The following SKIC3 variants were observed in gnomAD, a reference collection of about 807,000 sequenced individuals.
SKIC3 encodes SKI3 subunit of superkiller complex, also known as superkiller complex protein 3.
chr5:95,520,193 T>A, the SKIC3 span, among the ~76,000 whole-genome samples: 1 of 151,900 alleles, frequency 6.6e-6, no homozygotes, highest in African/African-American at 2.4e-5. Flanking sequence ...AAATGCCAAA[T>A]CTACTCAAAA....
chr5:95,492,462 C>T, the SKIC3 span, among the ~76,000 whole-genome samples: 4 of 149,338 alleles, frequency 2.7e-5, no homozygotes, highest in African/African-American at 9.8e-5. Flanking sequence ...CGGTGAAACC[C>T]CGTCTCTACT....
At chr5:95,536,494 A>T in the SKIC3 span, 1 of 312,074 alleles carries the variant, frequency 3.2e-6, no homozygotes, top group Admixed American at 4.8e-5. Context: ...ATCTCTGCTC[A>T]TGCCAGCTGG....
At chr5:95,484,039 G>T in the SKIC3 span, among the ~76,000 whole-genome samples, 1 of 152,096 alleles carries the variant, frequency 6.6e-6, no homozygotes, top group Admixed American at 6.6e-5. Context: ...ATTTTTTAAA[G>T]ACCTATAATA....
At chr5:95,523,344 C>G in the SKIC3 span, 1 of 1,600,102 alleles carries the variant, frequency 6.2e-7, no homozygotes, top group Non-Finnish European at 8.6e-7. Flanking sequence ...TAAGAAAATA[C>G]TAATATTAGA....
the SKIC3 span, chr5:95,503,679 C>T: frequency 8.1e-7 from 1 of 1,233,888 alleles, no homozygotes; most frequent in Non-Finnish European, 1.2e-6. Context: ...CCTAGTATTG[C>T]TGCTGACTCC....
the SKIC3 span, chr5:95,478,180 C>T: frequency 7.7e-7 from 1 of 1,295,146 alleles, no homozygotes; most frequent in South Asian, 1.4e-5. Flanking sequence ...CACACTAGAA[C>T]ACAATGAAAC....
chr5:95,520,735 C>T, the SKIC3 span: 1 of 1,609,840 alleles, frequency 6.2e-7, no homozygotes, highest in Non-Finnish European at 8.5e-7. Flanking sequence ...TATTCCAGTG[C>T]TTTTTCTATG....
chr5:95,474,418 G>GCA, the SKIC3 span, among the ~76,000 whole-genome samples: 1 of 152,116 alleles, frequency 6.6e-6, no homozygotes. Flanking sequence ...AAAGAAAAAA[G>GCA]GAAAAAAGGA....
At chr5:95,507,944 A>T in the SKIC3 span, among the ~76,000 whole-genome samples, 1 of 152,030 alleles carries the variant, frequency 6.6e-6, no homozygotes, top group Non-Finnish European at 1.5e-5. Context: ...AAAAAAAAAA[A>T]TAGCAAACAC....
chr5:95,479,675 TTGTGTGTGTGTG>T, the SKIC3 span, among the ~76,000 whole-genome samples: 16 of 144,088 alleles, frequency 1.1e-4, no homozygotes, highest in East Asian at 6.0e-4. Context: ...GGAAAAAACA[TTGTGTGTGTGTG>T]TGTGTGTGTG....
At chr5:95,465,345 T>C in the SKIC3 span, among the ~76,000 whole-genome samples, 2 of 152,234 alleles carry the variant, frequency 1.3e-5, no homozygotes, top group Non-Finnish European at 2.9e-5. Flanking sequence ...CATAGAACTG[T>C]TCAAATGAAA....
chr5:95,535,531 C>G, the SKIC3 span, among the ~76,000 whole-genome samples: 1 of 151,044 alleles, frequency 6.6e-6, no homozygotes, highest in Non-Finnish European at 1.5e-5. Context: ...AGGATGGTCT[C>G]GATCTCCTGA....
chr5:95,464,544 CT>C, the SKIC3 span: 1 of 1,277,014 alleles, frequency 7.8e-7, no homozygotes, highest in Non-Finnish European at 1.1e-6. Context: ...GGGTAGAAGT[CT>C]TGATTCATTG....
chr5:95,519,819 G>A, the SKIC3 span, among the ~76,000 whole-genome samples: 3 of 151,854 alleles, frequency 2.0e-5, no homozygotes, highest in Non-Finnish European at 2.9e-5. Flanking sequence ...TATAGCTAAG[G>A]TACTGTCACC....
At chr5:95,520,943 T>G in the SKIC3 span, 203 of 707,076 alleles carry the variant, frequency 2.9e-4, 1 homozygote, top group East Asian at 5.5e-3. Context: ...AACGGTGTGT[T>G]ATAAAATTAT....
chr5:95,516,910 C>A, the SKIC3 span: 2 of 1,582,848 alleles, frequency 1.3e-6, no homozygotes, highest in Admixed American at 3.6e-5. Context: ...TTTATTTATA[C>A]CATACATGTA....
the SKIC3 span, chr5:95,484,611 T>C: frequency 6.9e-7 from 1 of 1,448,812 alleles, no homozygotes; most frequent in Non-Finnish European, 9.6e-7. Context: ...TCTCCCAAAG[T>C]GCCAGGAATA....
the SKIC3 span, chr5:95,516,714 G>A: frequency 6.2e-7 from 1 of 1,613,206 alleles, no homozygotes; most frequent in Non-Finnish European, 8.5e-7. Context: ...CAGTATAAGT[G>A]ATTATTACTG....
At chr5:95,514,028 C>T in the SKIC3 span, among the ~76,000 whole-genome samples, 21 of 152,224 alleles carry the variant, frequency 1.4e-4, no homozygotes, top group East Asian at 1.2e-3. Context: ...AGCACAGTAA[C>T]GCCACTGCTC....
Sources: allele counts gnomAD v4.1 joint callset (sites outside exome capture counted in the v4.1 genomes callset), GRCh38; gene constraint gnomAD v4.1.1; transcripts MANE v1.5; gene names NCBI Gene and HGNC (gene_info 2026-07-23, HGNC 2026-07-21).